Variants in TMEM87B observed in about 807,000 individuals in gnomAD.
TMEM87B encodes the protein transmembrane protein 87B.
A neutral mutation model predicts 80.3 loss-of-function variants in TMEM87B; 83 were observed. The ratio of observed to expected loss-of-function variants is 1.03; its 90% CI spans 0.87 to 1.24. The LOEUF is 1.24. Among genes scored for constraint, TMEM87B ranks in the 50% most tolerant of loss-of-function variants. TMEM87B has a pLI of 0.00. For synonymous variants in TMEM87B, 219 were observed against 230.5 expected, an observed-to-expected ratio of 0.95 and a Z score of 0.45; for missense variants, 625 against 674.4, an observed-to-expected ratio of 0.93 and a Z score of 0.81.
intron 5 of TMEM87B, among the ~76,000 whole-genome samples, chr2:112,076,842 T>TGTGTGTGTGTG (rs1678831446): frequency 1.4e-5 from 2 of 139,188 alleles, no homozygotes; most frequent in Non-Finnish European, 3.1e-5. Flanking sequence ...CTTTTCTGTT[T>TGTGTGTGTGTG]TGTGTGTGTG....
intron 15 of TMEM87B, among the ~76,000 whole-genome samples, chr2:112,103,121 AT>A (rs1402915025): frequency 6.6e-6 from 1 of 152,220 alleles, no homozygotes; most frequent in Non-Finnish European, 1.5e-5. Context: ...GTCATAGGGT[AT>A]ATGTCCAATG....
At chr2:112,098,800 A>G in intron 14 of TMEM87B, 102 bp downstream of exon 14, 1 of 1,134,120 alleles carries the variant, frequency 8.8e-7, no homozygotes, top group South Asian at 1.3e-5. Context: ...CGTTGCTTTT[A>G]AGGAGTATAC....
At chr2:112,068,023 G>A (rs1351696321) in intron 4 of TMEM87B, among the ~76,000 whole-genome samples, 1 of 152,096 alleles carries the variant, frequency 6.6e-6, no homozygotes, top group Non-Finnish European at 1.5e-5. Context: ...GACCAGCCTA[G>A]CCAACATGGT....
At chr2:112,062,761 T>G (rs970693692) in intron 2 of TMEM87B, among the ~76,000 whole-genome samples, 2 of 152,222 alleles carry the variant, frequency 1.3e-5, no homozygotes, top group African/African-American at 4.8e-5. Flanking sequence ...AGTAGCCTTT[T>G]GTCTAGGGCA....
intron 5 of TMEM87B, among the ~76,000 whole-genome samples, chr2:112,076,381 C>G (rs888652059): frequency 6.6e-6 from 1 of 152,094 alleles, no homozygotes; most frequent in East Asian, 1.9e-4. Context: ...GTTCTGTCAC[C>G]TAGGCTGGTG....
At chr2:112,098,349 CT>C (rs1210197680) in intron 13 of TMEM87B, among the ~76,000 whole-genome samples, 3 of 152,108 alleles carry the variant, frequency 2.0e-5, no homozygotes, top group Non-Finnish European at 4.4e-5. Flanking sequence ...TGTTTTGCAT[CT>C]TTTGATTTTG....
chr2:112,057,770 C>G (rs758646212), intron 1 of TMEM87B, among the ~76,000 whole-genome samples: 18 of 151,804 alleles, frequency 1.2e-4, no homozygotes, highest in Non-Finnish European at 2.1e-4. Flanking sequence ...TGGGATATTA[C>G]TGGAGCACCA....
At chr2:112,086,322 G>A (rs1229428841) in intron 9 of TMEM87B, among the ~76,000 whole-genome samples, 1 of 152,102 alleles carries the variant, frequency 6.6e-6, no homozygotes, top group Non-Finnish European at 1.5e-5. Flanking sequence ...ACTTTATATA[G>A]TTAGATGAAT....
At position 112,100,089 on chromosome 2, in the gene TMEM87B, T is replaced by C. The variant is rs187833243; in HGVS notation, c.1377-533T>C. Among the ~76,000 whole-genome samples the C allele has an allele frequency of 3.5e-3, 539 of 152,328 alleles. 2 individuals are homozygous for C. The highest frequency in any genetic ancestry group is 0.013 in the African/African-American group (522 of 41,578). On this transcript the variant is annotated intron_variant, in intron 14 of 18. Transcript: ENST00000283206. ...AATGTTTTCAGAATGCTGTTGGACA[T>C]CATCTTGGCAAACTTTTGTTAGTGT...
chr2:112,086,936 C>A (rs1253897171), intron 9 of TMEM87B, among the ~76,000 whole-genome samples: 8 of 152,192 alleles, frequency 5.3e-5, no homozygotes, highest in Admixed American at 4.6e-4. Context: ...TATAACTGCA[C>A]CCTCTTCAAA....
intron 4 of TMEM87B, among the ~76,000 whole-genome samples, chr2:112,071,620 A>G (rs1678640191): frequency 6.6e-6 from 1 of 152,038 alleles, no homozygotes; most frequent in Non-Finnish European, 1.5e-5. Context: ...AGTGATCTTT[A>G]TATATTGATT....
intron 8 of TMEM87B, 40 bp from the exon 9 acceptor site, chr2:112,085,965 G>A (rs954323737): frequency 6.4e-7 from 1 of 1,564,022 alleles, no homozygotes; most frequent in African/African-American, 1.4e-5. Flanking sequence ...AGGCTTCCAG[G>A]TGTAGACAAA....
intron 2 of TMEM87B, among the ~76,000 whole-genome samples, chr2:112,061,824 A>AGGGTTTAG (rs1678267710): frequency 1.3e-5 from 2 of 152,244 alleles, no homozygotes; most frequent in Non-Finnish European, 2.9e-5. Flanking sequence ...TAATAAAACT[A>AGGGTTTAG]GGGTTTAGTC....
intron 10 of TMEM87B, among the ~76,000 whole-genome samples, chr2:112,090,804 C>T (rs1452174336): frequency 6.6e-6 from 1 of 152,078 alleles, no homozygotes; most frequent in Non-Finnish European, 1.5e-5. Context: ...AATCCAAAGA[C>T]CTTTGTCATT....
intron 17 of TMEM87B, among the ~76,000 whole-genome samples, chr2:112,108,975 T>G (rs1679842034): frequency 6.6e-6 from 1 of 152,210 alleles, no homozygotes; most frequent in African/African-American, 2.4e-5. Context: ...TTAACACTTA[T>G]TATTGTCCAC....
intron 15 of TMEM87B, among the ~76,000 whole-genome samples, chr2:112,100,945 A>C (rs1679613462): frequency 6.6e-6 from 1 of 152,088 alleles, no homozygotes; most frequent in African/African-American, 2.4e-5. Context: ...TTTTCATAAG[A>C]ATGGTTTGAT....
At chr2:112,056,993 A>G (rs779243934) in intron 1 of TMEM87B, among the ~76,000 whole-genome samples, 12 of 152,236 alleles carry the variant, frequency 7.9e-5, no homozygotes, top group Non-Finnish European at 1.3e-4. Context: ...GATTACTTGA[A>G]CATATCTGTA....
Position 112,055,458 on chromosome 2 carries a change from A to C in TMEM87B, c.-134A>C, listed in dbSNP as rs1678011705. ...GCACGGCGCCTCTCCGCCCAGGCCC[A>C]AGCGCGAGCCCCTCCTCCACACCCG... On this transcript the variant is annotated 5_prime_UTR_variant, in exon 1 of 19. Coordinates refer to ENST00000283206, the MANE Select transcript of TMEM87B (RefSeq NM_032824.3). 1 of 1,090,988 alleles carries C rather than the reference A, an allele frequency of 9.2e-7. No homozygotes were observed. Among genetic ancestry groups the C allele is most frequent in the Non-Finnish European group, 1.2e-6 (1 of 813,088 alleles). 67.6% of individuals were successfully genotyped at this position (1,090,988 alleles called of 1,614,324 possible). A position where few individuals can be genotyped will look rare whatever the true frequency, so the allele number is the denominator to read the frequency against.
rs1033677217 is a variant in TMEM87B at position 112,055,619 on chromosome 2, G to T, written c.28G>T (p.Gly10Trp). The stretch of plus-strand genomic sequence containing the variant: ...GGTCGCCGCCTGCCGCTCGGTAGCC[G>T]GGCTCCTGCCACGCCGCCGCCGCTG... MVAACRSVA[G>W]LLPRRRRCFP... The change falls in exon 1 of 19, where the codon GGG becomes TGG. Residue 10 changes from glycine to tryptophan, a missense_variant. Coordinates refer to ENST00000283206, the MANE Select transcript of TMEM87B (RefSeq NM_032824.3). The T allele has an allele frequency of 5.8e-6, 9 of 1,539,422 alleles. No individual in the cohort carries two copies. Among genetic ancestry groups the T allele is most frequent in the Admixed American group, 2.0e-5 (1 of 50,592 alleles).
Sources: gnomAD v4.1 joint callset for allele counts (sites outside exome capture counted in the v4.1 genomes callset) on GRCh38, gnomAD v4.1.1 for gene constraint, MANE v1.5 for transcripts, NCBI Gene and HGNC (gene_info 2026-07-23, HGNC 2026-07-21) for gene names.